Variants in VAPB observed in about 807,000 individuals in gnomAD.
The protein encoded by VAPB is VAMP associated protein B and C, also known as vesicle-associated membrane protein-associated protein B/C.
A neutral mutation model predicts 25.6 loss-of-function variants in VAPB; 7 were observed. The observed-to-expected ratio is 0.27, with a 90% CI of 0.16 to 0.51. The LOEUF (loss-of-function observed/expected upper bound fraction) is 0.51, where lower values mean the gene tolerates loss of function less well. Ranked by LOEUF, VAPB falls within the 20% of genes least tolerant of loss-of-function variation. VAPB has a pLI of 0.97. For missense variants in VAPB, 266 were observed against 301.3 expected, an observed-to-expected ratio of 0.88 and a Z score of 0.87; for synonymous variants, 112 against 109.2, an observed-to-expected ratio of 1.03 and a Z score of -0.16.
At chr20:58,410,173 C>G (rs1316644639) in intron 1 of VAPB, among the ~76,000 whole-genome samples, 2 of 152,138 alleles carry the variant, frequency 1.3e-5, no homozygotes, top group African/African-American at 4.8e-5. Context: ...TGCCAACATC[C>G]TACACTGAGA....
At chr20:58,427,876 T>C (rs1988838286) in intron 2 of VAPB, among the ~76,000 whole-genome samples, 1 of 150,478 alleles carries the variant, frequency 6.6e-6, no homozygotes, top group African/African-American at 2.5e-5. Flanking sequence ...ACCATTATGA[T>C]GCAGGCGAAA....
In VAPB at chr20:58,445,183, T is replaced by TCAGTAGTGA. The variant is rs1268586856; in HGVS notation, c.*953_*961dup. 2.2e-6 allele frequency: 1 copy of TCAGTAGTGA among 454,076 alleles called. No individual in the cohort carries two copies. The highest frequency in any genetic ancestry group is 2.0e-5 in the African/African-American group (1 of 49,990). 28.1% of individuals were successfully genotyped at this position (454,076 alleles called of 1,614,324 possible). ...ACAACTGTCATAGGGAGGGAAATTC[T>TCAGTAGTGA]CAGTAGTGACAGTCAACTCTAGGTT... is the stretch of plus-strand genomic sequence containing the variant. On this transcript the variant is annotated 3_prime_UTR_variant, in exon 6 of 6. Coordinates refer to ENST00000475243, the MANE Select transcript of VAPB (RefSeq NM_004738.5).
chr20:58,416,846 C>T (rs1988551793), intron 1 of VAPB, among the ~76,000 whole-genome samples: 1 of 151,882 alleles, frequency 6.6e-6, no homozygotes, highest in African/African-American at 2.4e-5. Context: ...AATCCACACA[C>T]AGGTAGTTTT....
intron 1 of VAPB, among the ~76,000 whole-genome samples, chr20:58,402,194 A>C (rs535742026): frequency 6.6e-6 from 1 of 152,080 alleles, no homozygotes; most frequent in African/African-American, 2.4e-5. Flanking sequence ...CTCCCCCCAC[A>C]TTGCCCTGCC....
At position 58,402,051 on chromosome 20, in the gene VAPB, TCAAAGATGGTTTG is replaced by T. The variant is rs571525099; in HGVS notation, c.58+12543_58+12555del. On this transcript the variant is annotated intron_variant, in intron 1 of 5. Coordinates refer to ENST00000475243, the MANE Select transcript of VAPB (RefSeq NM_004738.5). ...CTTTCTTTCCACCCTGATGTGGTTTTCAAAGATGGTTTGCAAAGATGCAAATCTGAGCATATCT... is the reference window on the plus strand; with the variant it reads ...CTTTCTTTCCACCCTGATGTGGTTTTCAAAGATGCAAATCTGAGCATATCT... Among the ~76,000 whole-genome samples, 794 of 152,330 alleles carry T rather than the reference TCAAAGATGGTTTG, an allele frequency of 5.2e-3. 7 individuals are homozygous for T. The highest frequency in any genetic ancestry group is 0.018 in the African/African-American group (743 of 41,556).
chr20:58,441,122 G>A (rs1469714428), intron 5 of VAPB, 39 bp downstream of exon 5: 1 of 1,605,794 alleles, frequency 6.2e-7, no homozygotes, highest in Non-Finnish European at 8.5e-7. Flanking sequence ...GAAAACAAGG[G>A]CGTTTTCACT....
intron 3 of VAPB, 122 bp from the exon 4 acceptor site, chr20:58,438,823 T>C (rs1989101050): frequency 7.7e-6 from 6 of 777,686 alleles, no homozygotes; most frequent in Non-Finnish European, 8.6e-6. Flanking sequence ...TTCAGTTCTT[T>C]ATTTGATATA....
At chr20:58,397,196 G>C (rs371987925) in intron 1 of VAPB, among the ~76,000 whole-genome samples, 2 of 152,120 alleles carry the variant, frequency 1.3e-5, no homozygotes, top group Admixed American at 1.3e-4. Flanking sequence ...TTTTATATCA[G>C]ATTCTGATGG....
intron 2 of VAPB, among the ~76,000 whole-genome samples, chr20:58,426,596 A>G (rs1988788561): frequency 6.6e-6 from 1 of 152,192 alleles, no homozygotes; most frequent in Non-Finnish European, 1.5e-5. Context: ...TAAGAGACCA[A>G]GAAATCCAAG....
rs918552879 is a variant in VAPB, at chr20:58,444,733, C to T, written c.*498C>T. On this transcript the variant is annotated 3_prime_UTR_variant, in exon 6 of 6. Transcript: ENST00000475243. ...TCAGTTCTGTCCAAGCCATCAGCTC[C>T]TTGGGACTGATGAACAGAGTCAGAA... 1.3e-5 allele frequency: 6 copies of T among 454,478 alleles called. No homozygotes were observed. Among genetic ancestry groups the T allele is most frequent in the Non-Finnish European group, 2.2e-5 (5 of 226,858 alleles). 28.2% of individuals were successfully genotyped at this position (454,478 alleles called of 1,614,324 possible).
At chr20:58,426,631 A>G (rs1203354317) in intron 2 of VAPB, among the ~76,000 whole-genome samples, 3 of 152,212 alleles carry the variant, frequency 2.0e-5, no homozygotes, top group Non-Finnish European at 4.4e-5. Context: ...GAAAAGCTGA[A>G]CTGATTGCCT....
At chr20:58,442,603 T>C (rs1253783935) in intron 5 of VAPB, among the ~76,000 whole-genome samples, 1 of 152,232 alleles carries the variant, frequency 6.6e-6, no homozygotes, top group African/African-American at 2.4e-5. Flanking sequence ...CACTGCCTTC[T>C]TGTTTTGTGT....
chr20:58,446,593 G>A lies in VAPB; in HGVS notation c.*2358G>A, dbSNP rs1229148087. The A allele has an allele frequency of 4.4e-6, 2 of 453,996 alleles. No individual in the cohort carries two copies. The highest frequency in any genetic ancestry group is 8.8e-6 in the Non-Finnish European group (2 of 226,806). 28.1% of individuals were successfully genotyped at this position (453,996 alleles called of 1,614,324 possible). A position where few individuals can be genotyped will look rare whatever the true frequency, so the allele number is the denominator to read the frequency against. On this transcript the variant is annotated 3_prime_UTR_variant, in exon 6 of 6. Transcript: ENST00000475243. ...ACCTTTGAAGGTGATTTAGAGTTTT[G>A]TGTACATCTAGGAGAAGGTGTTCAG...
At position 58,389,261 on chromosome 20, in the gene VAPB, C is replaced by G. The variant is rs771480765; in HGVS notation, c.-199C>G. On this transcript the variant is annotated 5_prime_UTR_variant, in exon 1 of 6. Coordinates refer to ENST00000475243, the MANE Select transcript of VAPB (RefSeq NM_004738.5). Reference sequence around the variant, plus strand: ...GTCAGCTCGCCGGGCACCGCGGCCTCGCCCTCGCCCTCCGCCCCTGCGCCT... The same window carrying G: ...GTCAGCTCGCCGGGCACCGCGGCCTGGCCCTCGCCCTCCGCCCCTGCGCCT... 1.5e-6 allele frequency: 1 copy of G among 676,228 alleles called. No individual in the cohort carries two copies. Among genetic ancestry groups the G allele is most frequent in the South Asian group, 1.5e-5 (1 of 65,262 alleles). The allele number at this position is 676,228 out of a possible 1,614,324, so 41.9% of individuals were successfully genotyped here. A position where few individuals can be genotyped will look rare whatever the true frequency, so the allele number is the denominator to read the frequency against.
At position 58,393,746 on chromosome 20, in the gene VAPB, T is replaced by G. The variant is rs541411732; in HGVS notation, c.58+4229T>G. ...GTTTTGTTTTGTTTTGTTTTGTTTT[T>G]TTTGAGATGGAGTTTGGCTCTTGTT... On this transcript the variant is annotated intron_variant, in intron 1 of 5. Transcript: ENST00000475243. Among the ~76,000 whole-genome samples, 519 of 136,860 alleles carry G rather than the reference T, an allele frequency of 3.8e-3. 1 individual carries two copies. The highest frequency in any genetic ancestry group is 0.023 in the South Asian group (108 of 4,604). The allele number at this position is 136,860 out of a possible 152,430, so 89.8% of individuals were successfully genotyped here. A position where few individuals can be genotyped will look rare whatever the true frequency, so the allele number is the denominator to read the frequency against.
chr20:58,446,283 C>T lies in VAPB; in HGVS notation c.*2048C>T. The T allele has an allele frequency of 2.2e-6, 1 of 454,048 alleles. No homozygotes were observed. The highest frequency in any genetic ancestry group is 4.4e-6 in the Non-Finnish European group (1 of 226,774). 28.1% of individuals were successfully genotyped at this position (454,048 alleles called of 1,614,324 possible). On this transcript the variant is annotated 3_prime_UTR_variant, in exon 6 of 6. Coordinates refer to ENST00000475243, the MANE Select transcript of VAPB (RefSeq NM_004738.5). ...CATGTGCCTTCTGCCACCTGACTTT[C>T]CGTGAGGGGACTAAAATTTACTAAT...
chr20:58,438,898 T>G (rs770780905), intron 3 of VAPB, 47 bp from the exon 4 acceptor site: 9 of 1,514,676 alleles, frequency 5.9e-6, no homozygotes, highest in Non-Finnish European at 8.2e-6. Flanking sequence ...AAGTTATTCT[T>G]CCAGCAGGTT....
intron 3 of VAPB, 22 bp downstream of exon 3, chr20:58,434,727 T>C (rs1989001265): frequency 1.7e-6 from 2 of 1,163,854 alleles, no homozygotes; most frequent in Non-Finnish European, 2.6e-6. Flanking sequence ...ATGCTTCTTA[T>C]TTTTTTCAGT....
At position 58,447,388 on chromosome 20, in the gene VAPB, A is replaced by G. The variant is rs1195884283; in HGVS notation, c.*3153A>G. 1.3e-5 allele frequency: 6 copies of G among 453,888 alleles called. No homozygotes were observed. Among genetic ancestry groups the G allele is most frequent in the Admixed American group, 7.1e-5 (3 of 42,542 alleles). The allele number at this position is 453,888 out of a possible 1,614,324, so 28.1% of individuals were successfully genotyped here. A position where few individuals can be genotyped will look rare whatever the true frequency, so the allele number is the denominator to read the frequency against. On this transcript the variant is annotated 3_prime_UTR_variant, in exon 6 of 6. Transcript: ENST00000475243. ...ACTGCTGGCACCAGCAGTAATACATACTGATAAAATCAAAATTGATTTTTA... is the reference window on the plus strand; with the variant it reads ...ACTGCTGGCACCAGCAGTAATACATGCTGATAAAATCAAAATTGATTTTTA...
Sources: gnomAD v4.1 joint callset for allele counts (sites outside exome capture counted in the v4.1 genomes callset) on GRCh38, gnomAD v4.1.1 for gene constraint, MANE v1.5 for transcripts, NCBI Gene and HGNC (gene_info 2026-07-23, HGNC 2026-07-21) for gene names.